The following RPRD1A variants were observed in gnomAD, a reference collection of about 807,000 sequenced individuals.
RPRD1A encodes the protein regulation of nuclear pre-mRNA domain containing 1A.
A neutral mutation model predicts 37.8 loss-of-function variants in RPRD1A; 9 were observed. The ratio of observed to expected loss-of-function variants is 0.24; its 90% CI spans 0.14 to 0.42. RPRD1A has a LOEUF of 0.42. Ranked by LOEUF, RPRD1A falls within the 10% of genes least tolerant of loss-of-function variation. The probability of loss-of-function intolerance (pLI) is 1.00; values close to 1 mark genes in which losing one functional copy is unlikely to be tolerated. For missense variants in RPRD1A, 255 were observed against 371.0 expected, an observed-to-expected ratio of 0.69 and a Z score of 2.57; for synonymous variants, 138 against 139.7, an observed-to-expected ratio of 0.99 and a Z score of 0.08.
Position 36,067,443 on chromosome 18 carries a change from G to A in RPRD1A, c.-39C>T, listed in dbSNP as rs201609057. 1.6e-5 allele frequency: 25 copies of A among 1,580,952 alleles called. No individual in the cohort carries two copies. The African/African-American group carries it at 3.2e-4, about 20-fold the overall frequency. ...CGTTCACGCCGTCCCACGCGGTGGG[G>A]CCGAGGGGAGGAGAGTTTCGCCGCC... is the stretch of plus-strand genomic sequence containing the variant. On this transcript the variant is annotated 5_prime_UTR_variant, in exon 1 of 7. Coordinates refer to ENST00000399022, the MANE Select transcript of RPRD1A (RefSeq NM_018170.5).
chr18:36,052,718 C>G (rs890387016), intron 1 of RPRD1A, among the ~76,000 whole-genome samples: 1 of 152,158 alleles, frequency 6.6e-6, no homozygotes, highest in African/African-American at 2.4e-5. Flanking sequence ...CCTTCCTCAG[C>G]CTCCTGAGTA....
intron 6 of RPRD1A, among the ~76,000 whole-genome samples, chr18:36,008,042 G>A (rs1331183599): frequency 1.3e-5 from 2 of 152,074 alleles, no homozygotes; most frequent in East Asian, 1.9e-4. Flanking sequence ...AAGAGTTTGA[G>A]ACCAGCCTGG....
At chr18:36,034,692 G>C (rs960916899) in intron 1 of RPRD1A, among the ~76,000 whole-genome samples, 5 of 152,184 alleles carry the variant, frequency 3.3e-5, no homozygotes, top group Non-Finnish European at 7.3e-5. Context: ...CCATAGTACA[G>C]TGGTGTAGGA....
At chr18:36,037,657 G>A (rs1437789622) in intron 1 of RPRD1A, among the ~76,000 whole-genome samples, 1 of 152,188 alleles carries the variant, frequency 6.6e-6, no homozygotes, top group South Asian at 2.1e-4. Context: ...AGTTTGGAGG[G>A]CTCTGAAGAA....
intron 6 of RPRD1A, among the ~76,000 whole-genome samples, chr18:35,997,638 A>C (rs1318052546): frequency 6.6e-6 from 1 of 152,196 alleles, no homozygotes; most frequent in Non-Finnish European, 1.5e-5. Context: ...AGCAAAGAAA[A>C]CCAACTTTGC....
At chr18:36,059,615 C>T (rs2088865720) in intron 1 of RPRD1A, among the ~76,000 whole-genome samples, 1 of 152,034 alleles carries the variant, frequency 6.6e-6, no homozygotes, top group Non-Finnish European at 1.5e-5. Flanking sequence ...GTAAAGAGAT[C>T]CTCAAACCAG....
intron 6 of RPRD1A, among the ~76,000 whole-genome samples, chr18:36,018,092 C>A (rs4799840): frequency 0.12 from 17,616 of 152,116 alleles, 1,266 homozygotes; most frequent in East Asian, 0.25. Flanking sequence ...AACACACAGC[C>A]CACTTAAGAC....
intron 1 of RPRD1A, among the ~76,000 whole-genome samples, chr18:36,061,049 T>C (rs1356342259): frequency 1.3e-5 from 2 of 152,042 alleles, no homozygotes; most frequent in Non-Finnish European, 2.9e-5. Flanking sequence ...TCCAAAGCTA[T>C]GTATCACCTC....
chr18:36,023,858 A>G (rs757338480), intron 6 of RPRD1A, among the ~76,000 whole-genome samples: 14 of 152,214 alleles, frequency 9.2e-5, no homozygotes, highest in Non-Finnish European at 1.8e-4. Flanking sequence ...ATGTAATTTT[A>G]TATGTAATCC....
chr18:36,020,873 T>C (rs895368811), intron 6 of RPRD1A, among the ~76,000 whole-genome samples: 3 of 151,734 alleles, frequency 2.0e-5, no homozygotes, highest in African/African-American at 4.8e-5. Context: ...TACATCCATA[T>C]ATTAAAAGGA....
chr18:36,005,722 C>G (rs552831557), intron 6 of RPRD1A, among the ~76,000 whole-genome samples: 1 of 152,284 alleles, frequency 6.6e-6, no homozygotes, highest in East Asian at 1.9e-4. Context: ...CATAGAGTAA[C>G]TTCTAGAACC....
chr18:36,034,509 C>G (rs1039360211), intron 1 of RPRD1A, among the ~76,000 whole-genome samples: 23 of 152,124 alleles, frequency 1.5e-4, no homozygotes, highest in African/African-American at 5.1e-4. Flanking sequence ...TACATTTTTA[C>G]TGGTTACAAT....
At chr18:36,067,154 C>G in intron 1 of RPRD1A, 100 bp downstream of exon 1, 2 of 1,358,850 alleles carry the variant, frequency 1.5e-6, no homozygotes, top group Non-Finnish European at 2.0e-6. Flanking sequence ...GCTGGCATCC[C>G]GACGCCGGGA....
At chr18:36,018,089 A>T (rs1005300295) in intron 6 of RPRD1A, among the ~76,000 whole-genome samples, 3 of 152,200 alleles carry the variant, frequency 2.0e-5, no homozygotes, top group Non-Finnish European at 2.9e-5. Flanking sequence ...TTGAACACAC[A>T]GCCCACTTAA....
At chr18:36,005,505 A>G (rs1318772297) in intron 6 of RPRD1A, among the ~76,000 whole-genome samples, 1 of 152,192 alleles carries the variant, frequency 6.6e-6, no homozygotes, top group Non-Finnish European at 1.5e-5. Context: ...ATTCTTAGGA[A>G]AAAGAGGCAA....
At chr18:36,005,855 T>C (rs1393887885) in intron 6 of RPRD1A, among the ~76,000 whole-genome samples, 3 of 152,216 alleles carry the variant, frequency 2.0e-5, no homozygotes, top group Admixed American at 6.5e-5. Flanking sequence ...TGTGTTTTTT[T>C]CTTTTTTTTA....
chr18:36,060,294 A>G (rs2144417145), intron 1 of RPRD1A, among the ~76,000 whole-genome samples: 1 of 152,128 alleles, frequency 6.6e-6, no homozygotes, highest in South Asian at 2.1e-4. Flanking sequence ...TTAGCCAGGC[A>G]TGGTGGCGGG....
chr18:36,045,700 C>A (rs914611840), intron 1 of RPRD1A, among the ~76,000 whole-genome samples: 11 of 152,208 alleles, frequency 7.2e-5, no homozygotes, highest in Admixed American at 6.5e-4. Flanking sequence ...GTCTAAGTAA[C>A]TATTATTAGT....
At chr18:36,036,966 A>G (rs1353448205) in intron 1 of RPRD1A, among the ~76,000 whole-genome samples, 1 of 152,158 alleles carries the variant, frequency 6.6e-6, no homozygotes, top group Non-Finnish European at 1.5e-5. Flanking sequence ...CAAACCGTCC[A>G]TTCAATTTAA....
Sources: gnomAD v4.1 joint callset for allele counts (sites outside exome capture counted in the v4.1 genomes callset) on GRCh38, gnomAD v4.1.1 for gene constraint, MANE v1.5 for transcripts, NCBI Gene and HGNC (gene_info 2026-07-23, HGNC 2026-07-21) for gene names.